TTBK2: variants seen among roughly 807,000 people sequenced by gnomAD.
TTBK2 encodes tau-tubulin kinase 2.
In TTBK2, 28 loss-of-function variants were observed where a neutral mutation model predicts 110.8. The ratio of observed to expected loss-of-function variants is 0.25; its 90% confidence interval spans 0.19 to 0.35. TTBK2 has a LOEUF of 0.35. TTBK2 is among the 10% of genes least tolerant of loss of function. The pLI is 1.00. For missense variants in TTBK2, 1,369 were observed against 1,500.3 expected, an observed-to-expected ratio of 0.91 and a Z score of 1.45; for synonymous variants, 532 against 527.3, an observed-to-expected ratio of 1.01 and a Z score of -0.12.
At chr15:42,839,691 A>G (rs1172862652) in intron 4 of TTBK2, among the ~76,000 whole-genome samples, 1 of 152,146 alleles carries the variant, frequency 6.6e-6, no homozygotes, top group East Asian at 1.9e-4. Context: ...GCATTTCTCT[A>G]AAGATTAGTG....
chr15:42,807,368 A>G (rs1891511599), intron 9 of TTBK2, among the ~76,000 whole-genome samples: 1 of 152,026 alleles, frequency 6.6e-6, no homozygotes, highest in African/African-American at 2.4e-5. Context: ...TGAACACTCT[A>G]ATAAAGATAT....
At chr15:42,878,723 G>T in intron 1 of TTBK2, 39 bp from the exon 2 acceptor site, 1 of 1,592,686 alleles carries the variant, frequency 6.3e-7, no homozygotes, top group South Asian at 1.1e-5. Flanking sequence ...CAGTATTTAG[G>T]GTTAACTAAT....
intron 1 of TTBK2, among the ~76,000 whole-genome samples, chr15:42,911,005 T>C (rs562900568): frequency 2.0e-5 from 3 of 150,664 alleles, no homozygotes; most frequent in East Asian, 2.0e-4. Context: ...GATTGTGCCA[T>C]TGCACTCCAG....
chr15:42,826,152 C>T (rs1178804670), intron 6 of TTBK2, among the ~76,000 whole-genome samples: 1 of 151,894 alleles, frequency 6.6e-6, no homozygotes, highest in Admixed American at 6.6e-5. Context: ...ACATATGAAA[C>T]AAATCTACAA....
chr15:42,827,896 C>A (rs1432895803), intron 6 of TTBK2, 32 bp downstream of exon 6: 2 of 1,553,372 alleles, frequency 1.3e-6, no homozygotes, highest in East Asian at 2.3e-5. Context: ...GGGTAATTAT[C>A]AAATATTTGA....
At chr15:42,914,638 C>G (rs1274561068) in intron 1 of TTBK2, among the ~76,000 whole-genome samples, 1 of 152,134 alleles carries the variant, frequency 6.6e-6, no homozygotes, top group Non-Finnish European at 1.5e-5. Context: ...TTCTTGTGTT[C>G]TGAAAGAACT....
chr15:42,851,359 C>T (rs1038501455), intron 3 of TTBK2, among the ~76,000 whole-genome samples: 4 of 151,790 alleles, frequency 2.6e-5, no homozygotes, highest in Non-Finnish European at 5.9e-5. Flanking sequence ...AGGCAGGGGT[C>T]GGTTCAGTGT....
chr15:42,849,745 T>C (rs570020396), intron 3 of TTBK2, among the ~76,000 whole-genome samples: 7 of 152,172 alleles, frequency 4.6e-5, no homozygotes, highest in Non-Finnish European at 8.8e-5. Context: ...TGGTTTCCCA[T>C]TTGGGATGTG....
chr15:42,769,915 A>G (rs577357051), intron 13 of TTBK2, among the ~76,000 whole-genome samples: 3 of 152,196 alleles, frequency 2.0e-5, no homozygotes, highest in Non-Finnish European at 4.4e-5. Context: ...ACGGAATACT[A>G]TGCAGCCATA....
intron 7 of TTBK2, among the ~76,000 whole-genome samples, chr15:42,812,007 C>T (rs536876820): frequency 7.9e-5 from 12 of 152,112 alleles, no homozygotes; most frequent in African/African-American, 2.9e-4. Flanking sequence ...AAGGACACTC[C>T]AAAACATAGA....
At chr15:42,893,718 C>A (rs968530508) in intron 1 of TTBK2, among the ~76,000 whole-genome samples, 3 of 150,592 alleles carry the variant, frequency 2.0e-5, no homozygotes, top group Admixed American at 6.6e-5. Context: ...AAGATCAATA[C>A]AATTTATAAC....
intron 9 of TTBK2, among the ~76,000 whole-genome samples, chr15:42,806,032 G>C (rs936057007): frequency 2.6e-5 from 4 of 152,216 alleles, no homozygotes; most frequent in Non-Finnish European, 4.4e-5. Context: ...GGGAGGCCAA[G>C]GTGGGTGGAT....
chr15:42,912,047 G>A (rs1169695319), intron 1 of TTBK2, among the ~76,000 whole-genome samples: 4 of 152,134 alleles, frequency 2.6e-5, no homozygotes, highest in African/African-American at 9.7e-5. Context: ...CACATTCAAA[G>A]CCGTCCTGGG....
chr15:42,794,639 C>A lies in TTBK2; in HGVS notation c.980+5G>T. On this transcript the variant is annotated splice_donor_5th_base_variant and intron_variant, in intron 10 of 14. Transcript: ENST00000267890. ...ACACCACCAAATGATCTGTTTAGGA[C>A]ATACCCAATTGCAGCAGGGGTCAAG... The A allele has an allele frequency of 6.2e-7, 1 of 1,614,108 alleles. No individual in the cohort carries two copies. Among genetic ancestry groups the A allele is most frequent in the Non-Finnish European group, 8.5e-7 (1 of 1,180,022 alleles).
intron 9 of TTBK2, chr15:42,801,651 C>A: frequency 1.1e-6 from 1 of 872,444 alleles, no homozygotes. Flanking sequence ...CTGTCCATGT[C>A]CAGGAAGCGG....
chr15:42,919,713 C>T (rs1465684360), intron 1 of TTBK2: 1 of 745,206 alleles, frequency 1.3e-6, no homozygotes, highest in African/African-American at 1.9e-5. Flanking sequence ...TGCTGCTACC[C>T]ATCAACTTTA....
chr15:42,822,928 A>C (rs573148776), intron 6 of TTBK2, among the ~76,000 whole-genome samples: 5 of 152,224 alleles, frequency 3.3e-5, no homozygotes, highest in Non-Finnish European at 4.4e-5. Flanking sequence ...TAGGAGAATA[A>C]ATCAAGAAAG....
chr15:42,889,590 G>A (rs1895374113), intron 1 of TTBK2, among the ~76,000 whole-genome samples: 1 of 152,152 alleles, frequency 6.6e-6, no homozygotes, highest in African/African-American at 2.4e-5. Flanking sequence ...ACCCCCTTGG[G>A]CAGTCTCTAA....
At chr15:42,756,526 C>CA in intron 13 of TTBK2, among the ~76,000 whole-genome samples, 1 of 152,252 alleles carries the variant, frequency 6.6e-6, no homozygotes, top group African/African-American at 2.4e-5. Flanking sequence ...GCAGAGGTTG[C>CA]AGTGAGCCAA....
Sources: allele counts gnomAD v4.1 joint callset (sites outside exome capture counted in the v4.1 genomes callset), GRCh38; gene constraint gnomAD v4.1.1; transcripts MANE v1.5; gene names NCBI Gene and HGNC (gene_info 2026-07-23, HGNC 2026-07-21).